The following EDIL3 variants were observed in gnomAD, a reference collection of about 807,000 sequenced individuals.
The protein encoded by EDIL3 is EGF-like repeat and discoidin I-like domain-containing protein 3.
Under a neutral mutation model 67.4 loss-of-function variants are expected in EDIL3, and 37 were observed. The observed-to-expected ratio is 0.55, with a 90% CI of 0.42 to 0.72. The LOEUF (loss-of-function observed/expected upper bound fraction) is 0.72. Among genes scored for constraint, EDIL3 ranks in the 30% least tolerant of loss-of-function variants. The pLI is 0.00. For missense variants in EDIL3, 527 were observed against 586.3 expected, an observed-to-expected ratio of 0.90 and a Z score of 1.04; for synonymous variants, 195 against 196.3, an observed-to-expected ratio of 0.99 and a Z score of 0.05.
At chr5:84,229,761 T>G in intron 3 of EDIL3, 94 bp downstream of exon 3, 1 of 1,352,112 alleles carries the variant, frequency 7.4e-7, no homozygotes, top group Non-Finnish European at 1.0e-6. Flanking sequence ...ATTTTCTGGT[T>G]GAAATCTGAA....
At chr5:84,160,114 A>G (rs567716971) in intron 4 of EDIL3, among the ~76,000 whole-genome samples, 155 of 152,282 alleles carry the variant, frequency 1.0e-3, no homozygotes, top group African/African-American at 3.4e-3. Flanking sequence ...TTGTAGAACT[A>G]CTACTCCTTC....
chr5:84,116,207 A>AAG lies in EDIL3; in HGVS notation c.470-9378_470-9377insCT, dbSNP rs1367101860. ...TCCAGAGGTCAAAAAAAAAAAAAAA[A>AAG]AACCCCAAGAGATGAAACAGGAGGC... On this transcript the variant is annotated intron_variant, in intron 5 of 10. Coordinates refer to ENST00000296591, the MANE Select transcript of EDIL3 (RefSeq NM_005711.5). 2.0e-4 allele frequency among the ~76,000 whole-genome samples: 30 copies of AAG among 151,600 alleles called. 2 individuals are homozygous for AAG. In the South Asian group the frequency reaches 6.2e-3, roughly 31 times the overall value.
At chr5:84,083,390 T>A (rs1292258353) in intron 6 of EDIL3, among the ~76,000 whole-genome samples, 1 of 152,138 alleles carries the variant, frequency 6.6e-6, no homozygotes, top group Non-Finnish European at 1.5e-5. Flanking sequence ...TTCTAGGTGT[T>A]CATCAGTACA....
chr5:84,141,462 T>C (rs1748186601), intron 4 of EDIL3, among the ~76,000 whole-genome samples: 2 of 146,800 alleles, frequency 1.4e-5, no homozygotes, highest in African/African-American at 2.5e-5. Flanking sequence ...TTCATATATA[T>C]GAAATTATGA....
chr5:84,025,434 G>T (rs1469184854), intron 9 of EDIL3, among the ~76,000 whole-genome samples: 1 of 152,128 alleles, frequency 6.6e-6, no homozygotes, highest in Non-Finnish European at 1.5e-5. Context: ...CTGTCTAGTG[G>T]CAGGAAAACA....
chr5:84,071,156 A>G (rs1188442208), intron 6 of EDIL3, among the ~76,000 whole-genome samples: 1 of 152,152 alleles, frequency 6.6e-6, no homozygotes, highest in Non-Finnish European at 1.5e-5. Flanking sequence ...TCCTGGTAAG[A>G]GCAGTGTCTA....
intron 3 of EDIL3, among the ~76,000 whole-genome samples, chr5:84,205,499 C>T (rs938162406): frequency 6.6e-6 from 1 of 152,074 alleles, no homozygotes; most frequent in Non-Finnish European, 1.5e-5. Context: ...GAGCTGTGTC[C>T]ACTTGAAAAA....
At chr5:84,198,245 CA>C (rs796998618) in intron 3 of EDIL3, among the ~76,000 whole-genome samples, 266 of 133,152 alleles carry the variant, frequency 2.0e-3, no homozygotes, top group African/African-American at 2.6e-3. Flanking sequence ...TGGGTCAAGG[CA>C]AAAAAAAAAA....
rs141494059 is a variant in EDIL3 at position 84,320,782 on chromosome 5, C to CTA, written c.67+63525_67+63526insTA. Among the ~76,000 whole-genome samples, 1,284 of 152,198 alleles carry CTA rather than the reference C, an allele frequency of 8.4e-3. 13 individuals are homozygous for CTA. The highest frequency in any genetic ancestry group is 0.013 in the Non-Finnish European group (855 of 67,972). On this transcript the variant is annotated intron_variant, in intron 1 of 10. Coordinates refer to ENST00000296591, the MANE Select transcript of EDIL3 (RefSeq NM_005711.5). The stretch of plus-strand genomic sequence containing the variant: ...ATACTAAATATAGGACTAAAACAAA[C>CTA]AAACAAAGGGCCTAGCTTTCTTCCA...
At chr5:84,144,159 A>G (rs1012358712) in intron 4 of EDIL3, among the ~76,000 whole-genome samples, 1 of 152,076 alleles carries the variant, frequency 6.6e-6, no homozygotes, top group Non-Finnish European at 1.5e-5. Flanking sequence ...GTGACTCTGA[A>G]GCATAGCCAA....
rs71607708 is a variant in EDIL3 at position 84,256,119 on chromosome 5, A to AT, written c.68-1908_68-1907insA. 4.7e-3 allele frequency among the ~76,000 whole-genome samples: 688 copies of AT among 147,120 alleles called. 2 individuals carry two copies. The highest frequency in any genetic ancestry group is 0.01 in the Middle Eastern group (3 of 288). On this transcript the variant is annotated intron_variant, in intron 1 of 10. Transcript: ENST00000296591. The stretch of plus-strand genomic sequence containing the variant: ...CTATCATTTATATACTTATCATCTA[A>AT]CTATCTATCTATCTATCTATCTATC...
At chr5:84,347,009 A>G (rs1344249046) in intron 1 of EDIL3, among the ~76,000 whole-genome samples, 1 of 152,180 alleles carries the variant, frequency 6.6e-6, no homozygotes, top group Non-Finnish European at 1.5e-5. Flanking sequence ...TGCCTCTTGC[A>G]TGCAACAAGT....
At chr5:84,216,704 C>A (rs1744233210) in intron 3 of EDIL3, among the ~76,000 whole-genome samples, 1 of 152,040 alleles carries the variant, frequency 6.6e-6, no homozygotes, top group Admixed American at 6.5e-5. Flanking sequence ...TGCATATTGA[C>A]TGAATAAAAA....
chr5:84,109,975 A>G (rs1044428495), intron 5 of EDIL3, among the ~76,000 whole-genome samples: 1 of 152,214 alleles, frequency 6.6e-6, no homozygotes, highest in Admixed American at 6.5e-5. Flanking sequence ...CTGAAAAAAT[A>G]ATGAGCTTGG....
intron 3 of EDIL3, among the ~76,000 whole-genome samples, chr5:84,215,214 A>G (rs1251179505): frequency 6.6e-6 from 1 of 152,186 alleles, no homozygotes. Flanking sequence ...GTTTATATTT[A>G]GCCTGGACAG....
chr5:84,139,466 T>C (rs542861251), intron 4 of EDIL3, among the ~76,000 whole-genome samples: 4 of 152,332 alleles, frequency 2.6e-5, no homozygotes, highest in East Asian at 1.9e-4. Flanking sequence ...TATATTTATA[T>C]TGGACTAACA....
intron 4 of EDIL3, among the ~76,000 whole-genome samples, chr5:84,148,559 T>C (rs950050353): frequency 1.3e-5 from 2 of 152,188 alleles, no homozygotes; most frequent in African/African-American, 4.8e-5. Flanking sequence ...GGTTGGTAAA[T>C]ACAGAAAAGA....
chr5:84,338,976 CT>C (rs569831522), intron 1 of EDIL3, among the ~76,000 whole-genome samples: 48 of 151,474 alleles, frequency 3.2e-4, no homozygotes, highest in Admixed American at 4.6e-4. Context: ...GTAAATAGAT[CT>C]GTCACTATTC....
intron 1 of EDIL3, among the ~76,000 whole-genome samples, chr5:84,265,900 T>C (rs1745337730): frequency 6.6e-6 from 1 of 152,226 alleles, no homozygotes; most frequent in South Asian, 2.1e-4. Flanking sequence ...TTTGCCACTT[T>C]CTTGGTTTCC....
Sources: gnomAD v4.1 joint callset for allele counts (sites outside exome capture counted in the v4.1 genomes callset) on GRCh38, gnomAD v4.1.1 for gene constraint, MANE v1.5 for transcripts, NCBI Gene and HGNC (gene_info 2026-07-23, HGNC 2026-07-21) for gene names.